POLR3H: variants seen among roughly 807,000 people sequenced by gnomAD.
The protein encoded by POLR3H is RNA polymerase III subunit H.
Under a neutral mutation model 25.5 loss-of-function variants are expected in POLR3H, and 17 were observed. That is an observed-to-expected ratio of 0.67 (90% CI 0.46 to 1.00). The LOEUF is 1.00. Among genes scored for constraint, POLR3H ranks in the 50% least tolerant of loss-of-function variants. The probability of loss-of-function intolerance (pLI) is 0.00; values close to 1 mark genes in which losing one functional copy is unlikely to be tolerated. For missense variants in POLR3H, 274 were observed against 265.0 expected, an observed-to-expected ratio of 1.03 and a Z score of -0.24; for synonymous variants, 129 against 103.0, an observed-to-expected ratio of 1.25 and a Z score of -1.53.
Position 41,527,370 on chromosome 22 carries a change from G to A in POLR3H, c.*1913C>T, listed in dbSNP as rs755736937. 7 of 1,613,874 alleles carry A rather than the reference G, an allele frequency of 4.3e-6. No individual in the cohort carries two copies. Among genetic ancestry groups the A allele is most frequent in the African/African-American group, 1.3e-5 (1 of 75,030 alleles). On this transcript the variant is annotated 3_prime_UTR_variant, in exon 6 of 6. Coordinates refer to ENST00000355209, the MANE Select transcript of POLR3H (RefSeq NM_001018050.4). ...CGGGAGCATGCAGCTCTGGAGCCTC[G>A]CCACCTTGGGGGCCGGGCCATCATC...
In POLR3H at chr22:41,528,624, TCCCCG is replaced by T. The variant is rs1023468631; in HGVS notation, c.*654_*658del. 13 of 1,526,634 alleles carry T rather than the reference TCCCCG, an allele frequency of 8.5e-6. No homozygotes were observed. In the East Asian group the frequency reaches 1.9e-4, roughly 22 times the overall value. The allele number at this position is 1,526,634 out of a possible 1,614,324, so 94.6% of individuals were successfully genotyped here. ...GAACTGCAACAGTGAGGGCAGTGCC[TCCCCG>T]CCCCGCCGCTGGCGTCAAGTTCAGC... On this transcript the variant is annotated 3_prime_UTR_variant, in exon 6 of 6. Transcript: ENST00000355209.
chr22:41,527,473 G>A lies in POLR3H; in HGVS notation c.*1810C>T. 6.4e-7 allele frequency: 1 copy of A among 1,559,536 alleles called. No homozygotes were observed. The highest frequency in any genetic ancestry group is 1.2e-5 in the South Asian group (1 of 83,332). ...CCTCATCCCATCCCTAGTGATCAAG[G>A]TCACTCTCCCTGCCCGTGGCTGAGT... is the stretch of plus-strand genomic sequence containing the variant. On this transcript the variant is annotated 3_prime_UTR_variant, in exon 6 of 6. Coordinates refer to ENST00000355209, the MANE Select transcript of POLR3H (RefSeq NM_001018050.4).
chr22:41,533,782 C>T (rs2145551423), intron 2 of POLR3H: 2 of 1,078,654 alleles, frequency 1.9e-6, no homozygotes, highest in Admixed American at 2.5e-5. Flanking sequence ...GGCCAAGGGC[C>T]ACTTACGCAC....
chr22:41,526,819 T>G lies in POLR3H; in HGVS notation c.*2464A>C, dbSNP rs1250478041. The G allele has an allele frequency of 3.3e-6, 1 of 299,020 alleles. No individual in the cohort carries two copies. Among genetic ancestry groups the G allele is most frequent in the Non-Finnish European group, 6.3e-6 (1 of 159,664 alleles). The allele number at this position is 299,020 out of a possible 1,614,324, so 18.5% of individuals were successfully genotyped here. ...CAGAGAGGGTCTGAGGTGATTGGAC[T>G]TTTTCTGCTTTGAGAAACAAACAGA... On this transcript the variant is annotated 3_prime_UTR_variant, in exon 6 of 6. Coordinates refer to ENST00000355209, the MANE Select transcript of POLR3H (RefSeq NM_001018050.4).
At chr22:41,540,881 C>A in intron 1 of POLR3H, 86 bp from the exon 2 acceptor site, 2 of 945,256 alleles carry the variant, frequency 2.1e-6, no homozygotes, top group South Asian at 2.8e-5. Context: ...GAGCCCCTCA[C>A]AACCACAAGC....
intron 2 of POLR3H, among the ~76,000 whole-genome samples, chr22:41,536,513 A>G (rs952405501): frequency 1.3e-5 from 2 of 151,898 alleles, no homozygotes; most frequent in East Asian, 1.9e-4. Context: ...CATGTTATGT[A>G]TATTTTACCA....
chr22:41,541,367 C>T (rs2066926782), intron 1 of POLR3H, among the ~76,000 whole-genome samples: 1 of 152,202 alleles, frequency 6.6e-6, no homozygotes, highest in Admixed American at 6.5e-5. Context: ...GCCACAGGGA[C>T]TGCAGCTGGC....
intron 1 of POLR3H, among the ~76,000 whole-genome samples, chr22:41,541,655 C>G (rs2066931208): frequency 6.6e-6 from 1 of 152,210 alleles, no homozygotes; most frequent in South Asian, 2.1e-4. Flanking sequence ...TTCATCTAAT[C>G]AAATACTAGA....
At chr22:41,542,703 T>C (rs961662714) in intron 1 of POLR3H, among the ~76,000 whole-genome samples, 2 of 152,178 alleles carry the variant, frequency 1.3e-5, no homozygotes, top group African/African-American at 4.8e-5. Flanking sequence ...CTCTGTTTCA[T>C]TCATTCAGTC....
chr22:41,544,234 G>A lies in POLR3H; in HGVS notation c.-133C>T. 3.3e-6 allele frequency: 2 copies of A among 607,766 alleles called. No individual in the cohort carries two copies. The highest frequency in any genetic ancestry group is 3.0e-5 in the Admixed American group (1 of 33,296). The allele number at this position is 607,766 out of a possible 1,614,324, so 37.6% of individuals were successfully genotyped here. On this transcript the variant is annotated 5_prime_UTR_variant, in exon 1 of 6. Transcript: ENST00000355209. ...CCAGGCTGGCGGTGAGGTTGCACGG[G>A]GCGGTCTCGGGGGCCCGGTCCGGGC...
At chr22:41,529,651 T>G (rs2066682024) in intron 5 of POLR3H, 3 of 655,604 alleles carry the variant, frequency 4.6e-6, no homozygotes, top group Non-Finnish European at 5.7e-6. Context: ...AGGCCCATGC[T>G]CCAGACGCAT....
chr22:41,530,688 A>C lies in POLR3H; in HGVS notation c.560T>G (p.Val187Gly), dbSNP rs2066710057. 1 of 1,612,224 alleles carries C rather than the reference A, an allele frequency of 6.2e-7. No individual in the cohort carries two copies. The highest frequency in any genetic ancestry group is 8.5e-7 in the Non-Finnish European group (1 of 1,179,772). The stretch of plus-strand genomic sequence containing the variant: ...TTCAGCACCATCAGAGCCACTCACC[A>C]CAAGCGTGTACGGAGCCTCCTTCTT... ...LPKKEAPYTLVGSISEPGLGL... is the reference protein window; with the variant it reads ...LPKKEAPYTLGGSISEPGLGL... The change falls in exon 5 of 6, where the codon GTG becomes GGG. Residue 187 changes from valine to glycine, a missense_variant and splice_region_variant. Physicochemically the swap from Val to Gly is moderately radical, Grantham distance 109. Coordinates refer to ENST00000355209, the MANE Select transcript of POLR3H (RefSeq NM_001018050.4).
intron 2 of POLR3H, chr22:41,539,258 TA>T (rs151241059): frequency 2.8e-3 from 396 of 143,238 alleles, no homozygotes; most frequent in Non-Finnish European, 2.7e-3. Flanking sequence ...GACTCTGTCT[TA>T]AAAAAAAAAA....
rs1569039712 is a variant in POLR3H at position 41,544,060 on chromosome 22, G to C, written c.42C>G (p.Pro14=). ...TGAGCTTCCTCTCAAACTGCCAAGG[G>C]GGGATCCGGACGGTGTCCACCATTT... The part of the protein sequence containing the change: ...LVEMVDTVRI[P]PWQFERKLND... Residue 14 remains proline (P), a synonymous_variant, in exon 1 of 6, where the codon CCC becomes CCG. Transcript: ENST00000355209. 5 of 1,613,868 alleles carry C rather than the reference G, an allele frequency of 3.1e-6. No homozygotes were observed. The highest frequency in any genetic ancestry group is 2.2e-5 in the South Asian group (2 of 91,080).
chr22:41,538,157 G>A (rs1475014836), intron 2 of POLR3H, among the ~76,000 whole-genome samples: 2 of 142,690 alleles, frequency 1.4e-5, no homozygotes, highest in African/African-American at 2.6e-5. Context: ...TTTTTGAGAC[G>A]GAGTTTCACT....
Position 41,527,823 on chromosome 22 carries a change from G to A in POLR3H, c.*1460C>T, listed in dbSNP as rs2066635134. 1.7e-5 allele frequency: 27 copies of A among 1,605,640 alleles called. No individual in the cohort carries two copies. In the South Asian group the frequency reaches 3.0e-4, roughly 18 times the overall value. The stretch of plus-strand genomic sequence containing the variant: ...GCAGCAGGATTAGGGGCATCTCCCA[G>A]AGCCCCAGATGGGTTCAGAAAATGA... On this transcript the variant is annotated 3_prime_UTR_variant, in exon 6 of 6. Transcript: ENST00000355209.
In POLR3H at chr22:41,527,344, C is replaced by T; in HGVS notation, c.*1939G>A. 6.2e-7 allele frequency: 1 copy of T among 1,614,144 alleles called. No homozygotes were observed. ...ACGAGAACTACGGCGAGGGCTCGAGCCGGGAGCATGCAGCTCTGGAGCCTC... is the reference window on the plus strand; with the variant it reads ...ACGAGAACTACGGCGAGGGCTCGAGTCGGGAGCATGCAGCTCTGGAGCCTC... On this transcript the variant is annotated 3_prime_UTR_variant, in exon 6 of 6. Transcript: ENST00000355209.
In POLR3H at chr22:41,527,513, G is replaced by C; in HGVS notation, c.*1770C>G. 2 of 1,509,224 alleles carry C rather than the reference G, an allele frequency of 1.3e-6. No individual in the cohort carries two copies. Among genetic ancestry groups the C allele is most frequent in the Non-Finnish European group, 1.8e-6 (2 of 1,127,204 alleles). The allele number at this position is 1,509,224 out of a possible 1,614,324, so 93.5% of individuals were successfully genotyped here. A position where few individuals can be genotyped will look rare whatever the true frequency, so the allele number is the denominator to read the frequency against. On this transcript the variant is annotated 3_prime_UTR_variant, in exon 6 of 6. Transcript: ENST00000355209. ...CGTGGCTGAGTTGGGCCTGGTTCTA[G>C]GCTGTGTCCACTGCAGCCCACAGGC...
At chr22:41,533,955 A>G (rs1402398875) in intron 2 of POLR3H, among the ~76,000 whole-genome samples, 1 of 152,156 alleles carries the variant, frequency 6.6e-6, no homozygotes, top group African/African-American at 2.4e-5. Flanking sequence ...CCTGGCCAAC[A>G]TGATAAAACA....
Sources: allele counts gnomAD v4.1 joint callset (sites outside exome capture counted in the v4.1 genomes callset), GRCh38; gene constraint gnomAD v4.1.1; transcripts MANE v1.5; gene names NCBI Gene and HGNC (gene_info 2026-07-23, HGNC 2026-07-21).